The following ATM variants were observed in gnomAD, a reference collection of about 807,000 sequenced individuals.
ATM encodes the protein ATM serine/threonine kinase, also known as serine-protein kinase ATM.
Under a neutral mutation model 387.0 loss-of-function variants are expected in ATM, and 308 were observed. The observed-to-expected ratio is 0.80, with a 90% CI of 0.73 to 0.87. The LOEUF (loss-of-function observed/expected upper bound fraction) is 0.87, where lower values mean the gene tolerates loss of function less well. Among genes scored for constraint, ATM ranks in the 40% least tolerant of loss-of-function variants. ATM has a pLI of 0.00. For synonymous variants in ATM, 1,156 were observed against 1,187.3 expected (o/e 0.97, Z 0.54); for missense variants, 3,312 against 3,560.9 (o/e 0.93, Z 1.78).
In ATM at chr11:108,301,006, C is replaced by T. The variant is rs116182824; in HGVS notation, c.5178-642C>T. 8.9e-3 allele frequency among the ~76,000 whole-genome samples: 1,354 copies of T among 151,790 alleles called. 22 individuals carry two copies. The highest frequency in any genetic ancestry group is 0.03 in the African/African-American group (1,255 of 41,356). The stretch of plus-strand genomic sequence containing the variant: ...CAAATTCTTGGGCTCAAGCAGTCCT[C>T]CTGCCTCAGCCTCCTAATGTGCAAA... On this transcript the variant is annotated intron_variant, in intron 34 of 62. Coordinates refer to ENST00000675843, the MANE Select transcript of ATM (RefSeq NM_000051.4).
intron 16 of ATM, among the ~76,000 whole-genome samples, chr11:108,263,906 A>T (rs1008041371): frequency 6.6e-6 from 1 of 150,454 alleles, no homozygotes; most frequent in Non-Finnish European, 1.5e-5. Context: ...TCCTGGACAC[A>T]TACACTCTCC....
At chr11:108,317,153 G>T (rs916341891) in intron 42 of ATM, among the ~76,000 whole-genome samples, 1 of 151,334 alleles carries the variant, frequency 6.6e-6, no homozygotes, top group Non-Finnish European at 1.5e-5. Context: ...TGTCCAGGCT[G>T]GTCTCAAACT....
intron 53 of ATM, 52 bp downstream of exon 53, chr11:108,332,952 T>TAC: frequency 6.3e-7 from 1 of 1,576,298 alleles, no homozygotes; most frequent in Non-Finnish European, 8.7e-7. Flanking sequence ...TTACTCTCTG[T>TAC]AGAGATATAT....
In ATM at chr11:108,319,935, T is replaced by C; in HGVS notation, c.6348-19T>C. On this transcript the variant is annotated intron_variant, in intron 43 of 62. Coordinates refer to ENST00000675843, the MANE Select transcript of ATM (RefSeq NM_000051.4). The stretch of plus-strand genomic sequence containing the variant: ...GGTTCTGTTTTTAAGTATATTTTTT[T>C]CTTTGACTTATCTCACAGCAAAGAA... 6.4e-7 allele frequency: 1 copy of C among 1,554,602 alleles called. No individual in the cohort carries two copies. The highest frequency in any genetic ancestry group is 8.9e-7 in the Non-Finnish European group (1 of 1,126,220).
At chr11:108,349,416 A>G (rs568323997) in intron 59 of ATM, among the ~76,000 whole-genome samples, 1 of 152,258 alleles carries the variant, frequency 6.6e-6, no homozygotes, top group East Asian at 1.9e-4. Flanking sequence ...TGTAATCCCA[A>G]CACTTTGGGA....
intron 34 of ATM, 58 bp downstream of exon 34, chr11:108,299,943 A>G: frequency 6.8e-7 from 1 of 1,470,718 alleles, no homozygotes; most frequent in Non-Finnish European, 9.5e-7. Context: ...GGAGAATGAT[A>G]CTTCACACAA....
chr11:108,253,552 C>G (rs574126086), intron 12 of ATM, among the ~76,000 whole-genome samples: 129 of 152,144 alleles, frequency 8.5e-4, no homozygotes, highest in Admixed American at 2.3e-3. Flanking sequence ...AAAATACTTT[C>G]TGAATTTGCC....
chr11:108,368,712 G>A lies in ATM; in HGVS notation c.*3204G>A, dbSNP rs181377742. The stretch of plus-strand genomic sequence containing the variant: ...TAGACTGCTTGAACAGTTGTGTCCA[G>A]ATTAAGGGAGATAATAGCTTTCCCA... On this transcript the variant is annotated 3_prime_UTR_variant, in exon 63 of 63. Transcript: ENST00000675843. The A allele has an allele frequency of 1.5e-4, 33 of 215,274 alleles. No individual in the cohort carries two copies. In the East Asian group the frequency reaches 2.3e-3, roughly 15 times the overall value. 13.3% of individuals were successfully genotyped at this position (215,274 alleles called of 1,614,324 possible).
intron 37 of ATM, among the ~76,000 whole-genome samples, chr11:108,307,214 A>G (rs945683582): frequency 2.6e-5 from 4 of 151,004 alleles, no homozygotes; most frequent in South Asian, 2.1e-4. Flanking sequence ...CAGTGGTGCA[A>G]TCTCGGCTCA....
At chr11:108,256,714 G>A (rs1311115602) in intron 14 of ATM, among the ~76,000 whole-genome samples, 1 of 152,002 alleles carries the variant, frequency 6.6e-6, no homozygotes, top group Non-Finnish European at 1.5e-5. Flanking sequence ...TCCCCTCCCT[G>A]TGTCCATGTG....
At position 108,243,970 on chromosome 11, in the gene ATM, T is replaced by C. The variant is rs786201608; in HGVS notation, c.514T>C (p.Phe172Leu). 2 of 1,599,380 alleles carry C rather than the reference T, an allele frequency of 1.3e-6. No individual in the cohort carries two copies. Among genetic ancestry groups the C allele is most frequent in the Non-Finnish European group, 1.7e-6 (2 of 1,171,000 alleles). ...TTTTTAAGAATTGTTCTCTGTGTAC[T>C]TCAGGCTCTATCTGAAACCTTCACA... Reference protein sequence around the residue: ...QQWLELFSVYFRLYLKPSQDV... With the variant: ...QQWLELFSVYLRLYLKPSQDV... Residue 172 changes from phenylalanine to leucine, a missense_variant, in exon 6 of 63, where the codon TTC becomes CTC. Coordinates refer to ENST00000675843, the MANE Select transcript of ATM (RefSeq NM_000051.4).
chr11:108,307,633 C>G (rs2083791536), intron 37 of ATM, among the ~76,000 whole-genome samples: 2 of 152,162 alleles, frequency 1.3e-5, no homozygotes, highest in Non-Finnish European at 2.9e-5. Context: ...GAGGACCTAG[C>G]ACATAAAAGA....
rs2080102935 is a variant in ATM, at chr11:108,250,854, A to G, written c.1389A>G (p.Ala463=). 1.9e-6 allele frequency: 3 copies of G among 1,614,198 alleles called. No individual in the cohort carries two copies. Among genetic ancestry groups the G allele is most frequent in the Non-Finnish European group, 2.5e-6 (3 of 1,180,032 alleles). ...PYVLRCLTEV[A]LCQDKRSNLE... ...TGTTACGATGCCTTACGGAAGTTGC[A>G]TTGTGTCAAGACAAGAGGTCAAACC... is the stretch of plus-strand genomic sequence containing the variant. Residue 463 remains alanine (A), a synonymous_variant, in exon 10 of 63, where the codon GCA becomes GCG. Coordinates refer to ENST00000675843, the MANE Select transcript of ATM (RefSeq NM_000051.4).
At chr11:108,232,447 T>A (rs2079057892) in intron 4 of ATM, among the ~76,000 whole-genome samples, 1 of 150,686 alleles carries the variant, frequency 6.6e-6, no homozygotes, top group African/African-American at 2.4e-5. Flanking sequence ...CAAGGTATGA[T>A]GAAAGAAATA....
At chr11:108,331,053 T>C (rs1229386427) in intron 50 of ATM, 3 of 504,032 alleles carry the variant, frequency 6.0e-6, no homozygotes, top group Non-Finnish European at 8.0e-6. Context: ...TCTGCTGTAG[T>C]ATACACTAAA....
intron 16 of ATM, among the ~76,000 whole-genome samples, chr11:108,259,403 T>G (rs2080724229): frequency 6.6e-6 from 1 of 152,144 alleles, no homozygotes; most frequent in Non-Finnish European, 1.5e-5. Flanking sequence ...GCAGAATTGC[T>G]TGAACCTGGG....
In ATM at chr11:108,268,426, A is replaced by T. The variant is rs730881351; in HGVS notation, c.2655A>T (p.Leu885Phe). 3 of 1,613,634 alleles carry T rather than the reference A, an allele frequency of 1.9e-6. No homozygotes were observed. Among genetic ancestry groups the T allele is most frequent in the Non-Finnish European group, 2.5e-6 (3 of 1,179,974 alleles). The change falls in exon 18 of 63, where the codon TTA becomes TTT. Residue 885 changes from leucine to phenylalanine, a missense_variant. Leu to Phe is a conservative substitution (Grantham distance 22, BLOSUM62 0). Coordinates refer to ENST00000675843, the MANE Select transcript of ATM (RefSeq NM_000051.4). The stretch of plus-strand genomic sequence containing the variant: ...TATTTTTAGGTGCCATTAATCCTTT[A>T]GCTGAAGAATATCTGTCAAAGCAAG... ...SQSTIGAINP[L>F]AEEYLSKQDL... is the part of the protein sequence containing the mutation.
intron 61 of ATM, among the ~76,000 whole-genome samples, chr11:108,358,026 C>G (rs2090235223): frequency 7.0e-6 from 1 of 143,640 alleles, no homozygotes; most frequent in Admixed American, 7.0e-5. Flanking sequence ...AAACCAAAGG[C>G]AAATAAGTTG....
intron 5 of ATM, among the ~76,000 whole-genome samples, chr11:108,241,459 G>A (rs2079553768): frequency 6.6e-6 from 1 of 151,890 alleles, no homozygotes; most frequent in Non-Finnish European, 1.5e-5. Context: ...CAGTGCAGTG[G>A]GTTTTTTTTA....
Sources: allele counts gnomAD v4.1 joint callset (sites outside exome capture counted in the v4.1 genomes callset), GRCh38; gene constraint gnomAD v4.1.1; transcripts MANE v1.5; gene names NCBI Gene and HGNC (gene_info 2026-07-23, HGNC 2026-07-21).